The following DRC11 variants were observed in gnomAD, a reference collection of about 807,000 sequenced individuals.
DRC11 encodes the protein dynein regulatory complex subunit 11.
chr2:236,439,610 A>C, the DRC11 span, among the ~76,000 whole-genome samples: 2 of 152,120 alleles, frequency 1.3e-5, no homozygotes, highest in Admixed American at 6.5e-5. Context: ...ATTTCTTGTT[A>C]AATGTATTGG....
chr2:236,408,855 G>T, the DRC11 span: 1 of 654,940 alleles, frequency 1.5e-6, no homozygotes. The surrounding 1 kb of genome is among the most constrained non-coding windows in gnomAD (Gnocchi z 5.5). Flanking sequence ...AATAGTCACA[G>T]CCTCTACCAC....
chr2:236,440,946 C>G, the DRC11 span: 30 of 733,450 alleles, frequency 4.1e-5, no homozygotes, highest in Non-Finnish European at 5.9e-5. Context: ...AGGAAAATAA[C>G]CAAGACCTAA....
the DRC11 span, among the ~76,000 whole-genome samples, chr2:236,410,378 G>T: frequency 6.6e-6 from 1 of 152,122 alleles, no homozygotes; most frequent in Non-Finnish European, 1.5e-5. Flanking sequence ...TTCAACCACT[G>T]CTCAAGGAAA....
chr2:236,501,380 A>G, the DRC11 span, among the ~76,000 whole-genome samples: 2 of 152,202 alleles, frequency 1.3e-5, no homozygotes, highest in Non-Finnish European at 2.9e-5. Context: ...TGGCAGAATT[A>G]GTGACTAATA....
the DRC11 span, among the ~76,000 whole-genome samples, chr2:236,339,846 C>T: frequency 7.2e-5 from 11 of 152,160 alleles, no homozygotes; most frequent in Admixed American, 7.2e-4. Context: ...GTGAGTCCCC[C>T]AACTTTATTT....
At chr2:236,377,060 G>A in the DRC11 span, 5 of 1,262,248 alleles carry the variant, frequency 4.0e-6, no homozygotes, top group Non-Finnish European at 5.8e-6. This position sits in a 1 kb window ranked among gnomAD's most constrained non-coding sequence, Gnocchi z 4.9. Flanking sequence ...AAACACAAGA[G>A]GTGACACGTG....
chr2:236,409,741 G>C, the DRC11 span, among the ~76,000 whole-genome samples: 24 of 151,926 alleles, frequency 1.6e-4, no homozygotes, highest in African/African-American at 5.6e-4. Flanking sequence ...TATTGGCTGT[G>C]GGTTTGTCAT....
At chr2:236,357,516 A>T in the DRC11 span, among the ~76,000 whole-genome samples, 1 of 127,044 alleles carries the variant, frequency 7.9e-6, no homozygotes, top group African/African-American at 3.2e-5. Context: ...TATTATAAAT[A>T]TATTTATATA....
the DRC11 span, among the ~76,000 whole-genome samples, chr2:236,409,805 G>A: frequency 2.6e-5 from 4 of 152,220 alleles, no homozygotes; most frequent in South Asian, 2.1e-4. Flanking sequence ...TTTATTGAGA[G>A]TTTTTAGCAT....
At chr2:236,357,378 ATAG>A in the DRC11 span, among the ~76,000 whole-genome samples, 8 of 104,290 alleles carry the variant, frequency 7.7e-5, no homozygotes, top group Admixed American at 6.1e-4. Context: ...ATATATTTAT[ATAG>A]TATAGATATT....
the DRC11 span, among the ~76,000 whole-genome samples, chr2:236,381,189 G>T: frequency 6.6e-6 from 1 of 152,182 alleles, no homozygotes; most frequent in East Asian, 1.9e-4. This position sits in a 1 kb window ranked among gnomAD's most constrained non-coding sequence, Gnocchi z 5.8. Flanking sequence ...CATCTTTGAA[G>T]TGGATAATGA....
chr2:236,492,660 G>T, the DRC11 span, among the ~76,000 whole-genome samples: 2 of 152,290 alleles, frequency 1.3e-5, no homozygotes, highest in African/African-American at 2.4e-5. Context: ...CAGCCAGAAG[G>T]GTGAGGCAGT....
At chr2:236,466,694 A>C in the DRC11 span, among the ~76,000 whole-genome samples, 1 of 152,154 alleles carries the variant, frequency 6.6e-6, no homozygotes, top group Admixed American at 6.5e-5. Flanking sequence ...GAGAGAATTC[A>C]CTCATCACCA....
chr2:236,400,705 G>T, the DRC11 span, among the ~76,000 whole-genome samples: 1 of 152,200 alleles, frequency 6.6e-6, no homozygotes, highest in African/African-American at 2.4e-5. The surrounding 1 kb of genome is among the most constrained non-coding windows in gnomAD (Gnocchi z 7.9). Flanking sequence ...TGCTTCCAGA[G>T]CACGCCCTGA....
At chr2:236,358,994 G>T in the DRC11 span, among the ~76,000 whole-genome samples, 1 of 151,348 alleles carries the variant, frequency 6.6e-6, no homozygotes, top group African/African-American at 2.4e-5. Flanking sequence ...GCAACTGAAG[G>T]CCATCCTGCT....
chr2:236,339,583 G>A, the DRC11 span, among the ~76,000 whole-genome samples: 1 of 152,074 alleles, frequency 6.6e-6, no homozygotes, highest in Non-Finnish European at 1.5e-5. Flanking sequence ...GTTGATTTTT[G>A]TATATGGCGT....
chr2:236,445,311 G>A, the DRC11 span, among the ~76,000 whole-genome samples: 1 of 151,870 alleles, frequency 6.6e-6, no homozygotes, highest in Non-Finnish European at 1.5e-5. The surrounding 1 kb of genome is among the most constrained non-coding windows in gnomAD (Gnocchi z 4.8). Flanking sequence ...GGTGCTTTTG[G>A]CAAAGATAAT....
chr2:236,450,181 T>A, the DRC11 span, among the ~76,000 whole-genome samples: 1 of 152,190 alleles, frequency 6.6e-6, no homozygotes, highest in Admixed American at 6.5e-5. Context: ...AGTTTGATTA[T>A]TGACTTTATA....
the DRC11 span, among the ~76,000 whole-genome samples, chr2:236,439,364 A>T: frequency 2.0e-5 from 3 of 152,242 alleles, no homozygotes; most frequent in African/African-American, 4.8e-5. Context: ...GGATATTTCC[A>T]TGCATTCATT....
Sources: gnomAD v4.1 joint callset for allele counts (sites outside exome capture counted in the v4.1 genomes callset) on GRCh38, gnomAD v4.1.1 for gene constraint, Gnocchi (gnomAD v3.1) non-coding constraint, MANE v1.5 for transcripts, NCBI Gene and HGNC (gene_info 2026-07-23, HGNC 2026-07-21) for gene names.